The following JAG1 variants were observed in gnomAD, a reference collection of about 807,000 sequenced individuals.
JAG1 encodes jagged canonical Notch ligand 1, also known as protein jagged-1.
Under a neutral mutation model 148.7 loss-of-function variants are expected in JAG1, and 23 were observed. The observed-to-expected ratio is 0.15, with a 90% CI of 0.11 to 0.22. The LOEUF is 0.22. Among genes scored for constraint, JAG1 ranks in the 10% least tolerant of loss-of-function variants. The probability of loss-of-function intolerance (pLI) is 1.00; values close to 1 mark genes in which losing one functional copy is unlikely to be tolerated. For synonymous variants in JAG1, 572 were observed against 598.3 expected (o/e 0.96, Z 0.64); for missense variants, 1,054 against 1,611.2 (o/e 0.65, Z 5.92).
rs144985667 is a variant in JAG1, at chr20:10,647,976, G to A, written c.1704C>T (p.Arg568=). The A allele has an allele frequency of 5.7e-5, 92 of 1,614,062 alleles. No individual in the cohort carries two copies. The highest frequency in any genetic ancestry group is 7.5e-5 in the Non-Finnish European group (88 of 1,180,044). ...KNCSHLKDHC[R]TTPCEVIDSC... is the part of the protein sequence containing the mutation. ...GGGAGGTACCTTCACAGGGGGTCGTGCGGCAGTGGTCTTTCAGGTGTGAGC... is the reference window on the plus strand; with the variant it reads ...GGGAGGTACCTTCACAGGGGGTCGTACGGCAGTGGTCTTTCAGGTGTGAGC... Residue 568 remains arginine (R), a synonymous_variant, in exon 13 of 26, where the codon CGC becomes CGT. Coordinates refer to ENST00000254958, the MANE Select transcript of JAG1 (RefSeq NM_000214.3).
At chr20:10,650,138 A>G in intron 9 of JAG1, 109 bp downstream of exon 9, 2 of 733,022 alleles carry the variant, frequency 2.7e-6, no homozygotes, top group Non-Finnish European at 5.0e-6. Flanking sequence ...ACTTCTTAGC[A>G]TGATGGAGTG....
At chr20:10,670,062 G>A (rs1297088667) in intron 2 of JAG1, among the ~76,000 whole-genome samples, 5 of 152,260 alleles carry the variant, frequency 3.3e-5, no homozygotes, top group Admixed American at 2.0e-4. Context: ...GGGACACCAC[G>A]TGGGACATAC....
chr20:10,666,248 A>G (rs1429587746), intron 2 of JAG1, among the ~76,000 whole-genome samples: 1 of 152,182 alleles, frequency 6.6e-6, no homozygotes, highest in Non-Finnish European at 1.5e-5. Context: ...ATAGATCAGC[A>G]ATCAAGATAA....
At position 10,670,225 on chromosome 20, in the gene JAG1, C is replaced by G. The variant is rs1414536674; in HGVS notation, c.387+2476G>C. Among the ~76,000 whole-genome samples the G allele has an allele frequency of 2.0e-5, 3 of 152,142 alleles. No homozygotes were observed. The East Asian group carries it at 5.8e-4, about 29-fold the overall frequency. ...CTTGGATAGGGGTCATAATTCCAAA[C>G]AAAAAGCATGAACTACATGACCTTC... is the stretch of plus-strand genomic sequence containing the variant. On this transcript the variant is annotated intron_variant, in intron 2 of 25. Coordinates refer to ENST00000254958, the MANE Select transcript of JAG1 (RefSeq NM_000214.3).
At position 10,645,872 on chromosome 20, in the gene JAG1, CA is replaced by C; in HGVS notation, c.1999+98del. 1.2e-6 allele frequency: 1 copy of C among 868,578 alleles called. No individual in the cohort carries two copies. Among genetic ancestry groups the C allele is most frequent in the Non-Finnish European group, 2.0e-6 (1 of 503,416 alleles). 53.8% of individuals were successfully genotyped at this position (868,578 alleles called of 1,614,324 possible). A position where few individuals can be genotyped will look rare whatever the true frequency, so the allele number is the denominator to read the frequency against. ...GCAGAAATCACTGCGGTCTTGCTTCCAGAGATTTCCAGTACAAAGAAAGTTT... is the reference window on the plus strand; with the variant it reads ...GCAGAAATCACTGCGGTCTTGCTTCCGAGATTTCCAGTACAAAGAAAGTTT... On this transcript the variant is annotated intron_variant, in intron 15 of 25. Coordinates refer to ENST00000254958, the MANE Select transcript of JAG1 (RefSeq NM_000214.3). The surrounding 1 kb of genome is among the most constrained non-coding windows in gnomAD (Gnocchi z 6.1).
chr20:10,647,759 T>C (rs952702898), intron 13 of JAG1, among the ~76,000 whole-genome samples: 1 of 152,230 alleles, frequency 6.6e-6, no homozygotes, highest in Non-Finnish European at 1.5e-5. Context: ...CCTGGGCTAC[T>C]TGTAGACACG....
chr20:10,653,751 G>A lies in JAG1; in HGVS notation c.756-1153C>T, dbSNP rs775451985. On this transcript the variant is annotated intron_variant, in intron 5 of 25. Transcript: ENST00000254958. Reference sequence around the variant, plus strand: ...GAAAGGCTTTCGGTTTCCCAAGAGCGGGAGGCAGGCTAGCAAATCCTTGTC... The same window carrying A: ...GAAAGGCTTTCGGTTTCCCAAGAGCAGGAGGCAGGCTAGCAAATCCTTGTC... Among the ~76,000 whole-genome samples, 12 of 152,230 alleles carry A rather than the reference G, an allele frequency of 7.9e-5. No homozygotes were observed. In the South Asian group the frequency reaches 8.3e-4, roughly 11 times the overall value.
intron 2 of JAG1, among the ~76,000 whole-genome samples, chr20:10,668,066 A>G (rs2067467647): frequency 6.9e-6 from 1 of 145,000 alleles, no homozygotes; most frequent in African/African-American, 2.6e-5. Context: ...CACGCACTGC[A>G]CCAATGGTAG....
rs768554175 is a variant in JAG1, at chr20:10,639,866, G to A, written c.3289C>T (p.Arg1097Trp). 59 of 1,614,000 alleles carry A rather than the reference G, an allele frequency of 3.7e-5. No homozygotes were observed. Among genetic ancestry groups the A allele is most frequent in the Middle Eastern group, 1.6e-4 (1 of 6,084 alleles). ...GAGTGTGTGTGGCTGCCCGGCTTCC[G>A]CCGCTTCCGCAGGCACCAGTAGAAG... The part of the protein sequence containing the change: ...TAFYWCLRKR[R>W]KPGSHTHSAS... Residue 1097 changes from arginine to tryptophan, a missense_variant, in exon 26 of 26, where the codon CGG becomes TGG. Physicochemically the swap from Arg to Trp is moderately radical, Grantham distance 101 (BLOSUM62 -3). This residue lies in a region of JAG1 where 177 missense variants were observed against 177.3 expected (regional missense o/e 1.00). Coordinates refer to ENST00000254958, the MANE Select transcript of JAG1 (RefSeq NM_000214.3).
Position 10,638,340 on chromosome 20 carries a change from T to C in JAG1, c.*1158A>G, listed in dbSNP as rs1413336020. ...GTGGTTCAGTATTATGTACGAATGGTGAAAAGAAATCAGAATTTACAAAGT... is the reference window on the plus strand; with the variant it reads ...GTGGTTCAGTATTATGTACGAATGGCGAAAAGAAATCAGAATTTACAAAGT... On this transcript the variant is annotated 3_prime_UTR_variant, in exon 26 of 26. Coordinates refer to ENST00000254958, the MANE Select transcript of JAG1 (RefSeq NM_000214.3). The C allele has an allele frequency of 1.3e-5, 2 of 152,564 alleles. No homozygotes were observed. Among genetic ancestry groups the C allele is most frequent in the Non-Finnish European group, 2.9e-5 (2 of 68,016 alleles). The allele number at this position is 152,564 out of a possible 1,614,324, so 9.5% of individuals were successfully genotyped here.
intron 9 of JAG1, 113 bp from the exon 10 acceptor site, chr20:10,649,748 G>A: frequency 1.4e-6 from 1 of 718,728 alleles, no homozygotes; most frequent in South Asian, 1.5e-5. Flanking sequence ...ATTTTAATAA[G>A]CTAGCTAAAT....
chr20:10,658,346 C>G (rs2122623229), intron 4 of JAG1, 122 bp downstream of exon 4: 2 of 1,306,750 alleles, frequency 1.5e-6, no homozygotes, highest in Non-Finnish European at 2.2e-6. Context: ...ACTGCAGGCC[C>G]AGAATAACAG....
intron 12 of JAG1, 51 bp from the exon 13 acceptor site, chr20:10,648,161 G>T: frequency 6.2e-7 from 1 of 1,610,090 alleles, no homozygotes; most frequent in Non-Finnish European, 8.5e-7. Context: ...GTAAAACAAA[G>T]GTGTCACGAT....
chr20:10,657,189 G>A (rs2067384680), intron 4 of JAG1, among the ~76,000 whole-genome samples: 1 of 152,026 alleles, frequency 6.6e-6, no homozygotes, highest in Non-Finnish European at 1.5e-5. Context: ...AACATAGCAA[G>A]ACTATGTCTA....
intron 5 of JAG1, 55 bp downstream of exon 5, chr20:10,656,343 C>T: frequency 7.1e-7 from 1 of 1,414,080 alleles, no homozygotes; most frequent in Non-Finnish European, 1.0e-6. Flanking sequence ...AAGTCAGTTC[C>T]TCTCTTACAT....
rs1294950721 is a variant in JAG1, at chr20:10,645,355, C to T, written c.2113+1G>A. 3 of 1,613,144 alleles carry T rather than the reference C, an allele frequency of 1.9e-6. No homozygotes were observed. Among genetic ancestry groups the T allele is most frequent in the African/African-American group, 1.3e-5 (1 of 74,906 alleles). On this transcript the variant is annotated splice_donor_variant, in intron 16 of 25. Coordinates refer to ENST00000254958, the MANE Select transcript of JAG1 (RefSeq NM_000214.3). LOFTEE classifies it high-confidence loss of function. This position sits in a 1 kb window ranked among gnomAD's most constrained non-coding sequence, Gnocchi z 6.1. ...AGCATCCAAGGCCAACTACCACTTACGTGAGTGGCAGGTCTTTCCTTTCCA... is the reference window on the plus strand; with the variant it reads ...AGCATCCAAGGCCAACTACCACTTATGTGAGTGGCAGGTCTTTCCTTTCCA...
In JAG1 at chr20:10,647,985, G is replaced by T; in HGVS notation, c.1695C>A (p.Asp565Glu). 1 of 1,614,194 alleles carries T rather than the reference G, an allele frequency of 6.2e-7. No homozygotes were observed. Among genetic ancestry groups the T allele is most frequent in the Non-Finnish European group, 8.5e-7 (1 of 1,180,036 alleles). ...YEGKNCSHLK[D>E]HCRTTPCEVI... ...CTTCACAGGGGGTCGTGCGGCAGTG[G>T]TCTTTCAGGTGTGAGCAGTTCTTGC... The change falls in exon 13 of 26, where the codon GAC (aspartate) becomes GAA (glutamate). Residue 565 changes from aspartate to glutamate, a missense_variant. Asp to Glu is a conservative substitution (Grantham distance 45). This residue lies in a region of JAG1 where 245 missense variants were observed against 373.1 expected (regional missense o/e 0.66). Coordinates refer to ENST00000254958, the MANE Select transcript of JAG1 (RefSeq NM_000214.3).
intron 2 of JAG1, among the ~76,000 whole-genome samples, chr20:10,666,960 G>A (rs1329080559): frequency 6.6e-6 from 1 of 152,222 alleles, no homozygotes; most frequent in African/African-American, 2.4e-5. Context: ...CCAAGGTTGT[G>A]TTCTCTGCCC....
At position 10,672,830 on chromosome 20, in the gene JAG1, G is replaced by A; in HGVS notation, c.258C>T (p.Val86=). The A allele has an allele frequency of 6.2e-7, 1 of 1,613,304 alleles. No individual in the cohort carries two copies. The highest frequency in any genetic ancestry group is 8.5e-7 in the Non-Finnish European group (1 of 1,180,038). Residue 86 remains valine, a synonymous_variant, in exon 2 of 26, where the codon GTC becomes GTT. Coordinates refer to ENST00000254958, the MANE Select transcript of JAG1 (RefSeq NM_000214.3). ...KVCLKEYQSR[V]TAGGPCSFGS... ...CGAAGCTGCAGGGCCCCCCGGCCGT[G>A]ACGCGGGACTGATACTCCTTGAGGC...
Sources: allele counts gnomAD v4.1 joint callset (sites outside exome capture counted in the v4.1 genomes callset), GRCh38; gene constraint gnomAD v4.1.1; regional missense constraint gnomAD v4.1.1; non-coding constraint Gnocchi (gnomAD v3.1); transcripts MANE v1.5; gene names NCBI Gene and HGNC (gene_info 2026-07-23, HGNC 2026-07-21).